The following LRRC4C variants were observed in gnomAD, a reference collection of about 807,000 sequenced individuals.
LRRC4C encodes leucine-rich repeat-containing protein 4C.
A neutral mutation model predicts 33.6 loss-of-function variants in LRRC4C; 5 were observed. The observed-to-expected ratio is 0.15, with a 90% CI of 0.08 to 0.31. LRRC4C has a LOEUF of 0.31. Ranked by LOEUF, LRRC4C falls within the 10% of genes least tolerant of loss-of-function variation. LRRC4C has a pLI of 1.00. For synonymous variants in LRRC4C, 329 were observed against 302.0 expected (o/e 1.09, Z -0.93); for missense variants, 560 against 796.7 (o/e 0.70, Z 3.58).
chr11:40,806,143 G>A (rs1193136866), intron 2 of LRRC4C, among the ~76,000 whole-genome samples: 1 of 152,136 alleles, frequency 6.6e-6, no homozygotes, highest in Non-Finnish European at 1.5e-5. Flanking sequence ...CTAATGCTGT[G>A]TGACAAACCA....
intron 2 of LRRC4C, among the ~76,000 whole-genome samples, chr11:40,817,682 CT>C (rs1311796113): frequency 6.6e-6 from 1 of 152,092 alleles, no homozygotes; most frequent in Non-Finnish European, 1.5e-5. Flanking sequence ...CTGGTAATCA[CT>C]TTTGAATCTT....
intron 2 of LRRC4C, among the ~76,000 whole-genome samples, chr11:40,769,832 C>T (rs1004829406): frequency 2.0e-5 from 3 of 152,070 alleles, no homozygotes; most frequent in African/African-American, 7.2e-5. Context: ...ATCAAACCAA[C>T]ATGGATTAAA....
intron 3 of LRRC4C, among the ~76,000 whole-genome samples, chr11:40,620,575 A>G (rs1962355542): frequency 6.6e-6 from 1 of 151,938 alleles, no homozygotes; most frequent in Admixed American, 6.6e-5. Context: ...ATTGTGGAAC[A>G]TGAAATAATA....
At chr11:41,013,603 G>A (rs1855370454) in intron 1 of LRRC4C, among the ~76,000 whole-genome samples, 1 of 152,098 alleles carries the variant, frequency 6.6e-6, no homozygotes, top group African/African-American at 2.4e-5. Flanking sequence ...ATCATAAACT[G>A]GGTGGTTTAT....
intron 2 of LRRC4C, among the ~76,000 whole-genome samples, chr11:40,783,354 G>A (rs186928857): frequency 3.6e-3 from 550 of 152,008 alleles, no homozygotes; most frequent in Non-Finnish European, 6.2e-3. Flanking sequence ...GGAATGCAGT[G>A]GCACCATCTC....
intron 2 of LRRC4C, among the ~76,000 whole-genome samples, chr11:40,855,805 A>T (rs1225584514): frequency 1.3e-5 from 2 of 152,056 alleles, no homozygotes; most frequent in Non-Finnish European, 2.9e-5. Context: ...TATAAACTTA[A>T]CTTAAAGGTA....
At chr11:40,766,353 TAAAAA>T (rs60152534) in intron 2 of LRRC4C, among the ~76,000 whole-genome samples, 2 of 33,902 alleles carry the variant, frequency 5.9e-5, no homozygotes, top group South Asian at 1.8e-3. Context: ...TTCAGTCTGT[TAAAAA>T]AAAAAAAAAA....
chr11:40,705,246 G>A (rs1946092108), intron 2 of LRRC4C, among the ~76,000 whole-genome samples: 1 of 151,982 alleles, frequency 6.6e-6, no homozygotes, highest in Non-Finnish European at 1.5e-5. Context: ...TAGGATACAT[G>A]TGCACAACGT....
chr11:40,919,573 G>A (rs1215623236), intron 2 of LRRC4C, among the ~76,000 whole-genome samples: 1 of 151,890 alleles, frequency 6.6e-6, no homozygotes. Flanking sequence ...TGTGATTATT[G>A]GTTTCCTCAT....
chr11:40,587,980 G>T (rs1414416745), intron 3 of LRRC4C, among the ~76,000 whole-genome samples: 1 of 152,072 alleles, frequency 6.6e-6, no homozygotes, highest in African/African-American at 2.4e-5. Flanking sequence ...TCAGAATGAT[G>T]CTGGCCTCAT....
rs533449834 is a variant in LRRC4C, at chr11:41,234,532, G to C, written c.-496+224899C>G. Among the ~76,000 whole-genome samples the C allele has an allele frequency of 7.2e-5, 11 of 152,052 alleles. No homozygotes were observed. In the East Asian group the frequency reaches 2.1e-3, roughly 29 times the overall value. The stretch of plus-strand genomic sequence containing the variant: ...ATATCAGAACTTGCCATGCTAGATA[G>C]AATATTAAAATGAATTTCAGGTAAA... On this transcript the variant is annotated intron_variant, in intron 1 of 6. Transcript: ENST00000528697.
intron 1 of LRRC4C, among the ~76,000 whole-genome samples, chr11:41,344,096 C>T (rs1194603626): frequency 6.6e-6 from 1 of 152,106 alleles, no homozygotes; most frequent in Non-Finnish European, 1.5e-5. Context: ...CGTTCACTTG[C>T]ACACCAAGCC....
intron 2 of LRRC4C, among the ~76,000 whole-genome samples, chr11:40,865,269 G>C (rs903667262): frequency 6.6e-6 from 1 of 152,058 alleles, no homozygotes; most frequent in African/African-American, 2.4e-5. Flanking sequence ...TATGATAATG[G>C]TTACTAGAGG....
chr11:41,439,865 A>G (rs1044892812), intron 1 of LRRC4C, among the ~76,000 whole-genome samples: 3 of 152,048 alleles, frequency 2.0e-5, no homozygotes, highest in Non-Finnish European at 4.4e-5. Flanking sequence ...AAATTGTTAA[A>G]TTGTTTGAGT....
intron 5 of LRRC4C, among the ~76,000 whole-genome samples, chr11:40,228,139 C>A (rs947224170): frequency 6.6e-6 from 1 of 152,020 alleles, no homozygotes; most frequent in Non-Finnish European, 1.5e-5. Flanking sequence ...TCATTGCTTT[C>A]TCATCTCCTT....
At chr11:41,198,336 T>C (rs1285005006) in intron 1 of LRRC4C, among the ~76,000 whole-genome samples, 1 of 152,066 alleles carries the variant, frequency 6.6e-6, no homozygotes, top group African/African-American at 2.4e-5. Flanking sequence ...TTATAGCAGT[T>C]ACCTAGATTA....
chr11:40,440,195 T>C (rs1015795375), intron 3 of LRRC4C, among the ~76,000 whole-genome samples: 1 of 152,184 alleles, frequency 6.6e-6, no homozygotes, highest in Admixed American at 6.5e-5. Context: ...CCTAGAACAT[T>C]TCCTGGCATA....
chr11:40,970,315 G>T (rs994810916), intron 1 of LRRC4C, among the ~76,000 whole-genome samples: 2 of 152,136 alleles, frequency 1.3e-5, no homozygotes, highest in African/African-American at 4.8e-5. Context: ...CCTTGGTGCT[G>T]TCATTGTGAT....
At chr11:40,475,310 A>G (rs981627326) in intron 3 of LRRC4C, among the ~76,000 whole-genome samples, 1 of 152,168 alleles carries the variant, frequency 6.6e-6, no homozygotes, top group African/African-American at 2.4e-5. Flanking sequence ...AGGGAGATGG[A>G]TGAAGCTGGA....
Sources: allele counts gnomAD v4.1 joint callset (sites outside exome capture counted in the v4.1 genomes callset), GRCh38; gene constraint gnomAD v4.1.1; transcripts MANE v1.5; gene names NCBI Gene and HGNC (gene_info 2026-07-23, HGNC 2026-07-21).